KAZN: variants seen among roughly 807,000 people sequenced by gnomAD.
KAZN encodes kazrin.
A neutral mutation model predicts 87.4 loss-of-function variants in KAZN; 40 were observed. The observed-to-expected ratio is 0.46, with a 90% CI of 0.36 to 0.60. The LOEUF (loss-of-function observed/expected upper bound fraction) is 0.60, where lower values mean the gene tolerates loss of function less well. Ranked by LOEUF, KAZN falls within the 20% of genes least tolerant of loss-of-function variation. KAZN has a pLI of 0.00. For synonymous variants in KAZN, 466 were observed against 458.3 expected (o/e 1.02, Z -0.22); for missense variants, 898 against 1,073.9 (o/e 0.84, Z 2.29).
intron 8 of KAZN, among the ~76,000 whole-genome samples, chr1:15,092,108 C>T (rs1208887177): frequency 1.6e-4 from 19 of 115,856 alleles, no homozygotes; most frequent in Admixed American, 3.9e-4. Flanking sequence ...CGGAGTTTCA[C>T]TCTTGTTGGC....
chr1:15,102,152 G>A (rs150761201), intron 11 of KAZN, among the ~76,000 whole-genome samples: 265 of 152,186 alleles, frequency 1.7e-3, no homozygotes, highest in African/African-American at 5.4e-3. Context: ...CCCAGTGAGG[G>A]AAGCCCAGGG....
intron 1 of KAZN, among the ~76,000 whole-genome samples, chr1:14,015,927 T>A (rs1247239763): frequency 6.6e-6 from 1 of 151,956 alleles, no homozygotes; most frequent in Non-Finnish European, 1.5e-5. Flanking sequence ...CACAACCTTT[T>A]CACTGCACTG....
intron 1 of KAZN, among the ~76,000 whole-genome samples, chr1:14,642,260 C>T (rs933579124): frequency 2.0e-5 from 3 of 152,200 alleles, no homozygotes; most frequent in Admixed American, 6.5e-5. Context: ...ATTAGCCAGG[C>T]GTGGTGGCGC....
chr1:14,674,992 T>C (rs1007625937), intron 1 of KAZN, among the ~76,000 whole-genome samples: 3 of 152,168 alleles, frequency 2.0e-5, no homozygotes, highest in Non-Finnish European at 4.4e-5. Context: ...CTTACTGTGT[T>C]GCCCAGGTTG....
At chr1:14,018,495 A>G (rs1459091387) in intron 1 of KAZN, among the ~76,000 whole-genome samples, 1 of 152,098 alleles carries the variant, frequency 6.6e-6, no homozygotes, top group Non-Finnish European at 1.5e-5. Flanking sequence ...GTGATGGTTA[A>G]TTTTGGGTGT....
At chr1:14,764,895 G>A (rs1644847023) in intron 1 of KAZN, among the ~76,000 whole-genome samples, 1 of 152,222 alleles carries the variant, frequency 6.6e-6, no homozygotes, top group Admixed American at 6.5e-5. Context: ...CATACTGGAT[G>A]TTATCGTTCT....
chr1:14,503,024 A>G (rs529546299), intron 2 of KAZN, among the ~76,000 whole-genome samples: 2 of 152,158 alleles, frequency 1.3e-5, no homozygotes, highest in East Asian at 3.9e-4. Flanking sequence ...TCAGACCCAA[A>G]TGAATGAACC....
intron 1 of KAZN, among the ~76,000 whole-genome samples, chr1:14,166,746 G>A (rs142817249): frequency 0.016 from 2,435 of 152,136 alleles, 40 homozygotes; most frequent in South Asian, 0.037. Flanking sequence ...CTTACTAATT[G>A]TAAATATTAT....
intron 1 of KAZN, among the ~76,000 whole-genome samples, chr1:14,639,553 G>T (rs1680266131): frequency 6.6e-6 from 1 of 152,166 alleles, no homozygotes; most frequent in Non-Finnish European, 1.5e-5. Flanking sequence ...CATTTGTAGG[G>T]TGAGCCGGGC....
chr1:14,495,417 C>T (rs1171051970), intron 2 of KAZN, among the ~76,000 whole-genome samples: 3 of 152,170 alleles, frequency 2.0e-5, no homozygotes, highest in African/African-American at 7.2e-5. Flanking sequence ...TCCCCTCATC[C>T]TGAGTGAGTT....
At position 14,308,729 on chromosome 1, in the gene KAZN, A is replaced by T. The variant is rs115480335; in HGVS notation, c.249+128137A>T. Among the ~76,000 whole-genome samples, 1,130 of 152,234 alleles carry T rather than the reference A, an allele frequency of 7.4e-3. 15 individuals are homozygous for T. Among genetic ancestry groups the T allele is most frequent in the African/African-American group, 0.026 (1,070 of 41,524 alleles). ...TACCTACCTCTTAGCATTTTCTGAG[A>T]CCTGAATGAACTAATACGCATAGAC... is the stretch of plus-strand genomic sequence containing the variant. On this transcript the variant is annotated intron_variant, in intron 2 of 16. Transcript: ENST00000636203.
At chr1:14,951,136 A>G (rs936869963) in intron 1 of KAZN, among the ~76,000 whole-genome samples, 8 of 152,172 alleles carry the variant, frequency 5.3e-5, no homozygotes, top group African/African-American at 1.7e-4. Context: ...ACCTGGGCAA[A>G]GGCGACAAGC....
At chr1:14,994,720 G>T (rs1667702914) in intron 2 of KAZN, among the ~76,000 whole-genome samples, 1 of 152,224 alleles carries the variant, frequency 6.6e-6, no homozygotes, top group African/African-American at 2.4e-5. Context: ...TTCAAATCCT[G>T]ACTTTGGTGT....
chr1:14,850,970 G>T (rs762725292), intron 1 of KAZN, among the ~76,000 whole-genome samples: 3 of 152,192 alleles, frequency 2.0e-5, no homozygotes, highest in African/African-American at 7.2e-5. Flanking sequence ...GAGACAGCAC[G>T]CAGTCTTTCT....
intron 2 of KAZN, among the ~76,000 whole-genome samples, chr1:14,446,810 G>T (rs761139763): frequency 1.3e-5 from 2 of 152,130 alleles, no homozygotes; most frequent in Non-Finnish European, 2.9e-5. Context: ...GCTGGGGCTT[G>T]ACCCTGCCTC....
At chr1:14,025,457 A>T (rs1011619405) in intron 1 of KAZN, among the ~76,000 whole-genome samples, 4 of 152,228 alleles carry the variant, frequency 2.6e-5, no homozygotes, top group Non-Finnish European at 4.4e-5. Flanking sequence ...TAACCCTAAG[A>T]CAAAGAAGAC....
chr1:14,371,119 A>T (rs1660445697), intron 2 of KAZN, among the ~76,000 whole-genome samples: 1 of 152,150 alleles, frequency 6.6e-6, no homozygotes, highest in Non-Finnish European at 1.5e-5. Context: ...AAACACCTGG[A>T]GGGCTTACTA....
chr1:14,167,647 C>A (rs1645860364), intron 1 of KAZN, among the ~76,000 whole-genome samples: 1 of 152,084 alleles, frequency 6.6e-6, no homozygotes, highest in Non-Finnish European at 1.5e-5. Context: ...TGCTTGCACC[C>A]TGGGGGTGGA....
chr1:13,949,793 C>T (rs1168940492), intron 1 of KAZN, among the ~76,000 whole-genome samples: 1 of 152,168 alleles, frequency 6.6e-6, no homozygotes, highest in Non-Finnish European at 1.5e-5. Context: ...GACAGGCAGA[C>T]CCCAAAGCCC....
Sources: gnomAD v4.1 joint callset for allele counts (sites outside exome capture counted in the v4.1 genomes callset) on GRCh38, gnomAD v4.1.1 for gene constraint, MANE v1.5 for transcripts, NCBI Gene and HGNC (gene_info 2026-07-23, HGNC 2026-07-21) for gene names.